Variants in RYR2 observed in about 807,000 individuals in gnomAD.
RYR2 encodes cardiac muscle ryanodine receptor-calcium release channel.
In RYR2, 227 loss-of-function variants were observed where a neutral mutation model predicts 601.1. The observed-to-expected ratio is 0.38, with a 90% CI of 0.34 to 0.42. The LOEUF is 0.42. RYR2 is among the 10% of genes least tolerant of loss of function. RYR2 has a pLI of 1.00. For synonymous variants in RYR2, 2,223 were observed against 2,175.1 expected (o/e 1.02, Z -0.61); for missense variants, 4,646 against 6,156.5 (o/e 0.75, Z 8.21).
At chr1:237,540,509 C>A (rs1201285881) in intron 25 of RYR2, among the ~76,000 whole-genome samples, 1 of 151,950 alleles carries the variant, frequency 6.6e-6, no homozygotes, top group Admixed American at 6.6e-5. Flanking sequence ...GGGTTCGAGA[C>A]CAGCCTGGCC....
At chr1:237,717,150 A>C (rs781348614) in intron 71 of RYR2, 48 bp from the exon 72 acceptor site, 20 of 1,567,328 alleles carry the variant, frequency 1.3e-5, no homozygotes, top group Non-Finnish European at 1.6e-5. Context: ...GTGGTTCTAC[A>C]TGTGAGAAAA....
At chr1:237,807,382 GCT>G (rs909942387) in intron 99 of RYR2, among the ~76,000 whole-genome samples, 2 of 152,110 alleles carry the variant, frequency 1.3e-5, no homozygotes, top group Admixed American at 6.5e-5. Flanking sequence ...ACAGAGTCTT[GCT>G]CTGTCACCCA....
rs544121092 is a variant in RYR2 at position 237,684,104 on chromosome 1, T to TA, written c.9018-3351_9018-3350insA. Among the ~76,000 whole-genome samples, 747 of 151,844 alleles carry TA rather than the reference T, an allele frequency of 4.9e-3. 6 individuals are homozygous for TA. Among genetic ancestry groups the TA allele is most frequent in the Non-Finnish European group, 9.0e-3 (614 of 67,922 alleles). On this transcript the variant is annotated intron_variant, in intron 62 of 104. Transcript: ENST00000366574. The stretch of plus-strand genomic sequence containing the variant: ...CACCATGCCCGGCTAATTTTTTTTT[T>TA]TTATTATTTTTAGTAGAGATAGGGT...
Position 237,759,757 on chromosome 1 carries a change from G to A in RYR2, c.11326-19G>A. ...AAGATTTTTGTTCAGTGGCCACGTG[G>A]TTTCTATAATTCCCATAGAAAATGC... On this transcript the variant is annotated intron_variant, in intron 82 of 104. Coordinates refer to ENST00000366574, the MANE Select transcript of RYR2 (RefSeq NM_001035.3). The A allele has an allele frequency of 7.2e-6, 11 of 1,535,496 alleles. No homozygotes were observed. The highest frequency in any genetic ancestry group is 9.9e-6 in the Non-Finnish European group (11 of 1,108,604).
chr1:237,509,741 T>TA (rs1342457374), intron 23 of RYR2, among the ~76,000 whole-genome samples: 1 of 152,222 alleles, frequency 6.6e-6, no homozygotes, highest in East Asian at 1.9e-4. Context: ...AAAGAAGTAA[T>TA]ATTTAGCTCT....
At chr1:237,408,398 A>G (rs1027807884) in intron 10 of RYR2, among the ~76,000 whole-genome samples, 1 of 147,344 alleles carries the variant, frequency 6.8e-6, no homozygotes, top group Admixed American at 6.6e-5. Flanking sequence ...TTCTTTATAT[A>G]TATATATAAA....
chr1:237,493,942 G>T (rs1031325749), intron 19 of RYR2, among the ~76,000 whole-genome samples: 13 of 152,170 alleles, frequency 8.5e-5, no homozygotes, highest in Admixed American at 6.5e-4. Context: ...TACTGTTTGT[G>T]TCTGTGCTTT....
rs552857199 is a variant in RYR2, at chr1:237,057,183, T to A, written c.48+14614T>A. ...CAACAGAGGCTCAGACGAAGGTGAC[T>A]GAGGAAACTTCTTTTTTTTTTGGAC... On this transcript the variant is annotated intron_variant, in intron 1 of 104. Coordinates refer to ENST00000366574, the MANE Select transcript of RYR2 (RefSeq NM_001035.3). Among the ~76,000 whole-genome samples the A allele has an allele frequency of 2.0e-5, 3 of 151,858 alleles. No homozygotes were observed. In the South Asian group the frequency reaches 6.2e-4, roughly 32 times the overall value.
intron 68 of RYR2, 147 bp from the exon 69 acceptor site, chr1:237,708,711 A>G: frequency 1.8e-6 from 1 of 566,944 alleles, no homozygotes; most frequent in Non-Finnish European, 2.9e-6. Flanking sequence ...CTTGGACTAG[A>G]AAAATGGCTG....
chr1:237,109,886 AT>A (rs1247414614), intron 1 of RYR2, among the ~76,000 whole-genome samples: 3 of 152,040 alleles, frequency 2.0e-5, no homozygotes, highest in African/African-American at 7.2e-5. Flanking sequence ...CACTGAGCGT[AT>A]GACCTGGCTT....
chr1:237,116,881 C>G (rs932973245), intron 1 of RYR2, among the ~76,000 whole-genome samples: 3 of 152,172 alleles, frequency 2.0e-5, no homozygotes, highest in African/African-American at 7.2e-5. Flanking sequence ...TTAGGTAGGG[C>G]AGTCTCCTTT....
intron 38 of RYR2, among the ~76,000 whole-genome samples, chr1:237,621,867 A>G (rs1205846350): frequency 1.3e-5 from 2 of 152,220 alleles, no homozygotes; most frequent in African/African-American, 2.4e-5. Flanking sequence ...TGTGGTTGCC[A>G]CGACTTAAGG....
chr1:237,601,602 C>T (rs538431343), intron 34 of RYR2, among the ~76,000 whole-genome samples: 2 of 152,100 alleles, frequency 1.3e-5, no homozygotes, highest in African/African-American at 2.4e-5. Flanking sequence ...GTTCTCACCA[C>T]AAAGAAATGA....
chr1:237,657,340 T>C lies in RYR2; in HGVS notation c.8130-604T>C, dbSNP rs1001981778. The stretch of plus-strand genomic sequence containing the variant: ...ATTTATTAATGAATAGAATTATGTA[T>C]GTATGTATATATATTTAATTTTCCA... On this transcript the variant is annotated intron_variant, in intron 53 of 104. Coordinates refer to ENST00000366574, the MANE Select transcript of RYR2 (RefSeq NM_001035.3). 3.9e-5 allele frequency among the ~76,000 whole-genome samples: 6 copies of C among 152,158 alleles called. No individual in the cohort carries two copies. In the East Asian group the frequency reaches 1.2e-3, roughly 29 times the overall value.
chr1:237,730,410 A>T (rs1049742481), intron 77 of RYR2, 54 bp downstream of exon 77: 4 of 949,112 alleles, frequency 4.2e-6, no homozygotes, highest in Middle Eastern at 2.1e-4. Context: ...TGGTGCAGCA[A>T]TGTTGGCGTG....
intron 1 of RYR2, among the ~76,000 whole-genome samples, chr1:237,177,510 T>C (rs187485250): frequency 1.2e-4 from 18 of 152,348 alleles, no homozygotes; most frequent in African/African-American, 4.1e-4. Context: ...AGCATGTTAC[T>C]TGCTTGTTTC....
chr1:237,322,154 C>T (rs2149528808), intron 2 of RYR2, among the ~76,000 whole-genome samples: 1 of 152,242 alleles, frequency 6.6e-6, no homozygotes, highest in Non-Finnish European at 1.5e-5. Context: ...TGAAATTAAT[C>T]CAGCTCATTT....
chr1:237,756,503 A>G, intron 81 of RYR2, 116 bp downstream of exon 81: 1 of 619,576 alleles, frequency 1.6e-6, no homozygotes, highest in Non-Finnish European at 2.8e-6. Flanking sequence ...TTTCTGGTTC[A>G]TGACTATATC....
At chr1:237,714,991 CAAAAAAAAAAAAA>C (rs5781983) in intron 71 of RYR2, among the ~76,000 whole-genome samples, 53 of 44,454 alleles carry the variant, frequency 1.2e-3, no homozygotes, top group East Asian at 6.5e-3. Flanking sequence ...GACTCCATCT[CAAAAAAAAAAAAA>C]AAAAAAAAAA....
Sources: allele counts gnomAD v4.1 joint callset (sites outside exome capture counted in the v4.1 genomes callset), GRCh38; gene constraint gnomAD v4.1.1; transcripts MANE v1.5; gene names NCBI Gene and HGNC (gene_info 2026-07-23, HGNC 2026-07-21).